Variants in ZNF808 observed in about 807,000 individuals in gnomAD.
ZNF808 encodes zinc finger protein 808.
In ZNF808, 5 loss-of-function variants were observed where a neutral mutation model predicts 8.7. The observed-to-expected ratio is 0.58, with a 90% CI of 0.30 to 1.21. ZNF808 has a LOEUF of 1.21. Among genes scored for constraint, ZNF808 ranks in the 50% most tolerant of loss-of-function variants. The pLI is 0.07. For missense variants in ZNF808, 1,103 were observed against 1,098.4 expected, an observed-to-expected ratio of 1.00 and a Z score of -0.06; for synonymous variants, 380 against 366.0, an observed-to-expected ratio of 1.04 and a Z score of -0.44.
downstream of ZNF808, among the ~76,000 whole-genome samples, chr19:52,567,486 T>TTATTATTA (rs1568496925): frequency 2.7e-5 from 1 of 37,200 alleles, no homozygotes; most frequent in Admixed American, 1.9e-4. Flanking sequence ...AGCTGTATTT[T>TTATTATTA]TTATTATTAT....
intron 4 of ZNF808, among the ~76,000 whole-genome samples, chr19:52,549,387 C>T (rs1024311640): frequency 6.6e-6 from 1 of 150,522 alleles, no homozygotes; most frequent in African/African-American, 2.4e-5. Flanking sequence ...GTGTGTATGC[C>T]TTTCTGGTAT....
At chr19:52,552,142 C>T (rs1261060461) in intron 4 of ZNF808, among the ~76,000 whole-genome samples, 3 of 151,850 alleles carry the variant, frequency 2.0e-5, no homozygotes, top group African/African-American at 7.3e-5. Flanking sequence ...CACAGCCTCC[C>T]GAGTAGCTGG....
rs1363389000 is a variant in ZNF808 at position 52,555,704 on chromosome 19, T to A, written c.*76T>A. On this transcript the variant is annotated 3_prime_UTR_variant, in exon 5 of 5. Transcript: ENST00000359798. ...TTGGAGAATCCATGATGAAGAGAAA[T>A]CTTCTGAGTGTAATAAATGTGGCAT... 6.5e-7 allele frequency: 1 copy of A among 1,542,652 alleles called. No individual in the cohort carries two copies. The highest frequency in any genetic ancestry group is 8.8e-7 in the Non-Finnish European group (1 of 1,141,040).
At position 52,555,575 on chromosome 19, in the gene ZNF808, C is replaced by T. The variant is rs369504291; in HGVS notation, c.2659C>T (p.Arg887Trp). Residue 887 changes from arginine (R) to tryptophan (W), a missense_variant, in exon 5 of 5, where the codon CGG becomes TGG. Coordinates refer to ENST00000359798, the MANE Select transcript of ZNF808 (RefSeq NM_001039886.4). ...CNECGKAFSDRSTLIHHQAIH... is the reference protein window; with the variant it reads ...CNECGKAFSDWSTLIHHQAIH... ...TGAGTGTGGCAAAGCCTTTAGTGACCGGTCAACACTTATTCACCATCAGGC... is the reference window on the plus strand; with the variant it reads ...TGAGTGTGGCAAAGCCTTTAGTGACTGGTCAACACTTATTCACCATCAGGC... The T allele has an allele frequency of 4.3e-5, 70 of 1,611,980 alleles. No individual in the cohort carries two copies. Among genetic ancestry groups the T allele is most frequent in the Non-Finnish European group, 5.2e-5 (61 of 1,179,148 alleles).
downstream of ZNF808, among the ~76,000 whole-genome samples, chr19:52,561,210 C>CTATATA (rs1568495006): frequency 6.8e-5 from 2 of 29,538 alleles, no homozygotes; most frequent in African/African-American, 1.2e-4. Context: ...CTCTCTCTCT[C>CTATATA]TCTATATATA....
chr19:52,528,182 A>C (rs1263129610), intron 1 of ZNF808, among the ~76,000 whole-genome samples: 2 of 149,862 alleles, frequency 1.3e-5, no homozygotes, highest in Admixed American at 6.7e-5. Context: ...CCACCTCCCT[A>C]CTCGTGCCAG....
At chr19:52,527,995 CTATT>C (rs1298148879) in intron 1 of ZNF808, 1 of 152,578 alleles carries the variant, frequency 6.6e-6, no homozygotes, top group African/African-American at 2.4e-5. Context: ...CCTCCTCGCG[CTATT>C]TAAAGTCTTC....
chr19:52,540,655 C>A (rs764567438), intron 2 of ZNF808, among the ~76,000 whole-genome samples: 8 of 152,032 alleles, frequency 5.3e-5, no homozygotes, highest in Admixed American at 6.6e-5. Context: ...CCCCTCAATT[C>A]CCTCTGGTCC....
chr19:52,535,711 T>C (rs139801490), intron 2 of ZNF808, among the ~76,000 whole-genome samples: 2 of 152,344 alleles, frequency 1.3e-5, no homozygotes, highest in African/African-American at 4.8e-5. Context: ...AAATCGTATA[T>C]TCCGCCCCGG....
At chr19:52,565,361 AAG>A (rs2059870647), downstream of ZNF808, among the ~76,000 whole-genome samples, 1 of 152,176 alleles carries the variant, frequency 6.6e-6, no homozygotes, top group Admixed American at 6.5e-5. Flanking sequence ...TTACTAACCA[AAG>A]AGAAAAGTCA....
intron 3 of ZNF808, among the ~76,000 whole-genome samples, chr19:52,544,814 C>A (rs377297527): frequency 1.3e-5 from 2 of 152,066 alleles, no homozygotes; most frequent in African/African-American, 4.8e-5. Context: ...GATGGAGTGT[C>A]GCTCTGTTGC....
chr19:52,561,166 C>T (rs1420708894), downstream of ZNF808, among the ~76,000 whole-genome samples: 409 of 47,608 alleles, frequency 8.6e-3, 9 homozygotes, highest in African/African-American at 0.03. Flanking sequence ...TGTTCTCTCT[C>T]TCTCTCTCTC....
In ZNF808 at chr19:52,553,629, A is replaced by C. The variant is rs569667838; in HGVS notation, c.713A>C (p.Lys238Thr). The C allele has an allele frequency of 6.2e-7, 1 of 1,614,192 alleles. No individual in the cohort carries two copies. The highest frequency in any genetic ancestry group is 1.3e-5 in the African/African-American group (1 of 75,064). ...EKSFPCNESG[K>T]AFNCSSLLRK... ...TCTTTCCCATGTAATGAGAGTGGCA[A>C]AGCCTTTAATTGTAGCTCACTCTTA... Residue 238 changes from lysine to threonine, a missense_variant, in exon 5 of 5, where the codon AAA (lysine) becomes ACA (threonine). Transcript: ENST00000359798.
intron 1 of ZNF808, among the ~76,000 whole-genome samples, chr19:52,530,185 A>G (rs1244909347): frequency 6.6e-6 from 1 of 151,934 alleles, no homozygotes; most frequent in Non-Finnish European, 1.5e-5. Context: ...CTCACTCTCC[A>G]GAGTAGTTGG....
At chr19:52,533,843 C>CA (rs919374020) in intron 2 of ZNF808, among the ~76,000 whole-genome samples, 5,849 of 29,628 alleles carry the variant, frequency 0.2, 548 homozygotes, top group Non-Finnish European at 0.25. Flanking sequence ...ACTCCGTCTC[C>CA]AAAAAAAAAA....
In ZNF808 at chr19:52,553,668, T is replaced by C. The variant is rs2059801337; in HGVS notation, c.752T>C (p.Ile251Thr). Residue 251 changes from isoleucine (I) to threonine (T), a missense_variant, in exon 5 of 5, where the codon ATA becomes ACA. By Grantham distance (89) the Ile-to-Thr change is moderately conservative (BLOSUM62 -1). Coordinates refer to ENST00000359798, the MANE Select transcript of ZNF808 (RefSeq NM_001039886.4). Reference sequence around the variant, plus strand: ...AGCTCACTCTTAAGGAAACACCAGATACCCCATTTAGGAGACAAACAATAT... The same window carrying C: ...AGCTCACTCTTAAGGAAACACCAGACACCCCATTTAGGAGACAAACAATAT... ...NCSSLLRKHQ[I>T]PHLGDKQYKC... The C allele has an allele frequency of 6.2e-7, 1 of 1,614,050 alleles. No individual in the cohort carries two copies. The highest frequency in any genetic ancestry group is 1.3e-5 in the African/African-American group (1 of 74,932).
downstream of ZNF808, among the ~76,000 whole-genome samples, chr19:52,566,667 T>C (rs1355789839): frequency 2.0e-5 from 3 of 152,142 alleles, no homozygotes; most frequent in Non-Finnish European, 4.4e-5. Flanking sequence ...ATAATTGTGC[T>C]TAGGACTCTG....
chr19:52,547,736 C>A, intron 4 of ZNF808, 98 bp downstream of exon 4: 2 of 1,292,942 alleles, frequency 1.5e-6, no homozygotes, highest in East Asian at 2.8e-5. Flanking sequence ...CCCATCCATG[C>A]TGGTTTTTTT....
intron 3 of ZNF808, among the ~76,000 whole-genome samples, chr19:52,546,018 T>G (rs1341749595): frequency 5.3e-5 from 8 of 152,170 alleles, no homozygotes; most frequent in Admixed American, 2.6e-4. Context: ...GCTATTTGAT[T>G]TGTGGTAATT....
Sources: gnomAD v4.1 joint callset for allele counts (sites outside exome capture counted in the v4.1 genomes callset) on GRCh38, gnomAD v4.1.1 for gene constraint, MANE v1.5 for transcripts, NCBI Gene and HGNC (gene_info 2026-07-23, HGNC 2026-07-21) for gene names.